OR7C1: variants seen among roughly 807,000 people sequenced by gnomAD.
OR7C1 encodes olfactory receptor family 7 subfamily C member 1.
For synonymous variants in OR7C1, 152 were observed against 160.7 expected (o/e 0.95, Z 0.41); for missense variants, 324 against 383.3 (o/e 0.85, Z 1.29).
At chr19:14,819,947 C>T (rs1248797869) in intron 1 of OR7C1, among the ~76,000 whole-genome samples, 1 of 152,138 alleles carries the variant, frequency 6.6e-6, no homozygotes. Context: ...CGCTCTGTCA[C>T]CCAGCCTGGA....
chr19:14,820,772 G>A (rs1171441711), intron 1 of OR7C1, among the ~76,000 whole-genome samples: 2 of 152,148 alleles, frequency 1.3e-5, no homozygotes, highest in Non-Finnish European at 2.9e-5. Flanking sequence ...TCGTGGCAGG[G>A]GCAGGATTTT....
chr19:14,807,762 G>C (rs538239932), intron 2 of OR7C1, among the ~76,000 whole-genome samples: 1 of 151,794 alleles, frequency 6.6e-6, no homozygotes, highest in East Asian at 1.9e-4. Flanking sequence ...TGGGCATAGT[G>C]GTGGGTGCCT....
intron 1 of OR7C1, among the ~76,000 whole-genome samples, chr19:14,816,701 A>C (rs183710812): frequency 2.0e-3 from 301 of 152,274 alleles, no homozygotes; most frequent in African/African-American, 6.8e-3. Flanking sequence ...ACCTTGCGAT[A>C]ATGTGAGTCA....
At chr19:14,801,340 A>T (rs2044641006) in intron 2 of OR7C1, among the ~76,000 whole-genome samples, 2 of 152,210 alleles carry the variant, frequency 1.3e-5, no homozygotes, top group South Asian at 4.1e-4. Context: ...CAGTGCAAAC[A>T]TCTGACATGT....
At chr19:14,827,447 G>A (rs1252950204) in intron 1 of OR7C1, 3 of 1,614,070 alleles carry the variant, frequency 1.9e-6, no homozygotes, top group South Asian at 2.2e-5. Flanking sequence ...GTGAGTTGCG[G>A]GTGGCAGCAG....
Position 14,800,245 on chromosome 19 carries a change from CAA to C in OR7C1, c.-14+9_-14+10del. ...AATTTTAAGTGAAGGAATCAATTAA[CAA>C]AAGATTGCCTTTTTCTTGCTGTCTT... On this transcript the variant is annotated intron_variant, in intron 4 of 4. Transcript: ENST00000641666. 1 of 1,250,500 alleles carries C rather than the reference CAA, an allele frequency of 8.0e-7. No individual in the cohort carries two copies. Among genetic ancestry groups the C allele is most frequent in the Non-Finnish European group, 1.1e-6 (1 of 907,816 alleles). 77.5% of individuals were successfully genotyped at this position (1,250,500 alleles called of 1,614,324 possible).
chr19:14,801,462 A>C (rs1011567896), intron 2 of OR7C1, among the ~76,000 whole-genome samples: 9 of 152,358 alleles, frequency 5.9e-5, no homozygotes, highest in African/African-American at 2.2e-4. Context: ...GCTTTAAAAA[A>C]ATATTTTGGT....
At chr19:14,831,749 A>T (rs201864029) in intron 1 of OR7C1, among the ~76,000 whole-genome samples, 3 of 139,110 alleles carry the variant, frequency 2.2e-5, no homozygotes, top group South Asian at 2.3e-4. Context: ...GGCCTATTTT[A>T]TTTTTTTTTT....
intron 1 of OR7C1, among the ~76,000 whole-genome samples, chr19:14,834,283 G>C (rs1213485278): frequency 6.6e-6 from 1 of 151,964 alleles, no homozygotes; most frequent in Non-Finnish European, 1.5e-5. Context: ...CTGTCTCAAA[G>C]AAAAAACAAA....
rs1044722134 is a variant in OR7C1, at chr19:14,814,235, A to G, written c.-622-4242T>C. Among the ~76,000 whole-genome samples the G allele has an allele frequency of 7.2e-5, 11 of 152,324 alleles. No homozygotes were observed. In the East Asian group the frequency reaches 1.9e-3, roughly 27 times the overall value. On this transcript the variant is annotated intron_variant, in intron 1 of 4. Transcript: ENST00000641666. ...AAAGAAAAGCAATGAGCAGAGTGAAAAGACAACCTATGGGTTGGCAGGAAA... is the reference window on the plus strand; with the variant it reads ...AAAGAAAAGCAATGAGCAGAGTGAAGAGACAACCTATGGGTTGGCAGGAAA...
intron 1 of OR7C1, among the ~76,000 whole-genome samples, chr19:14,818,941 G>A (rs1441148850): frequency 1.3e-5 from 2 of 151,496 alleles, no homozygotes; most frequent in Non-Finnish European, 2.9e-5. Flanking sequence ...AAGTTTTAGG[G>A]TACATGTGCA....
At chr19:14,805,781 A>G (rs901635636) in intron 2 of OR7C1, among the ~76,000 whole-genome samples, 1 of 151,750 alleles carries the variant, frequency 6.6e-6, no homozygotes, top group African/African-American at 2.4e-5. Flanking sequence ...TTCTTTTTCT[A>G]CCTTCCACAT....
chr19:14,825,533 T>G (rs749139249), intron 1 of OR7C1: 3 of 152,212 alleles, frequency 2.0e-5, no homozygotes, highest in Non-Finnish European at 1.5e-5. Flanking sequence ...GAATTGAGTG[T>G]CCCTCAAGGG....
At chr19:14,825,628 G>C (rs1245095980) in intron 1 of OR7C1, 1 of 152,222 alleles carries the variant, frequency 6.6e-6, no homozygotes, top group Non-Finnish European at 1.5e-5. Flanking sequence ...TAGGAGGAGA[G>C]GACATGTAAA....
intron 1 of OR7C1, among the ~76,000 whole-genome samples, chr19:14,810,691 G>T (rs2044687303): frequency 6.6e-6 from 1 of 151,654 alleles, no homozygotes; most frequent in African/African-American, 2.4e-5. Flanking sequence ...GGCCCGAAAT[G>T]AGCTCTTAAC....
chr19:14,803,032 C>T lies in OR7C1; in HGVS notation c.-434-2268G>A, dbSNP rs569792837. On this transcript the variant is annotated intron_variant, in intron 2 of 4. Coordinates refer to ENST00000641666, the Ensembl canonical transcript of OR7C1. ...GGCCCAAAGATTGGTTGGGGCCAGG[C>T]GTCGTGGCTCACGCCTGTAATCTCA... 7.2e-5 allele frequency among the ~76,000 whole-genome samples: 11 copies of T among 152,138 alleles called. No individual in the cohort carries two copies. In the East Asian group the frequency reaches 7.7e-4, roughly 11 times the overall value.
intron 2 of OR7C1, among the ~76,000 whole-genome samples, chr19:14,805,634 C>T (rs1339457560): frequency 5.9e-5 from 9 of 151,584 alleles, no homozygotes; most frequent in Non-Finnish European, 1.3e-4. Context: ...AGGCTGGTCT[C>T]GAACTCCTGA....
intron 1 of OR7C1, among the ~76,000 whole-genome samples, chr19:14,818,066 A>AT (rs71168508): frequency 0.027 from 2,615 of 97,960 alleles, 67 homozygotes; most frequent in African/African-American, 0.096. Flanking sequence ...TATTTATTTT[A>AT]TTTATTTATT....
chr19:14,819,183 G>T, intron 1 of OR7C1, among the ~76,000 whole-genome samples: 2 of 150,166 alleles, frequency 1.3e-5, no homozygotes, highest in South Asian at 2.1e-4. Flanking sequence ...TTTTAATTTC[G>T]GGGGTACATG....
Sources: gnomAD v4.1 joint callset for allele counts (sites outside exome capture counted in the v4.1 genomes callset) on GRCh38, gnomAD v4.1.1 for gene constraint, MANE v1.5 for transcripts, NCBI Gene and HGNC (gene_info 2026-07-23, HGNC 2026-07-21) for gene names.